The following SSH2 variants were observed in gnomAD, a reference collection of about 807,000 sequenced individuals.
SSH2 encodes the protein slingshot protein phosphatase 2.
A neutral mutation model predicts 135.2 loss-of-function variants in SSH2; 37 were observed. That is an observed-to-expected ratio of 0.27 (90% CI 0.21 to 0.36). The LOEUF (loss-of-function observed/expected upper bound fraction) is 0.36, where lower values mean the gene tolerates loss of function less well. Among genes scored for constraint, SSH2 ranks in the 10% least tolerant of loss-of-function variants. SSH2 has a pLI of 1.00. For synonymous variants in SSH2, 628 were observed against 646.2 expected (o/e 0.97, Z 0.43); for missense variants, 1,408 against 1,765.3 (o/e 0.80, Z 3.63).
intron 8 of SSH2, among the ~76,000 whole-genome samples, chr17:29,673,620 T>G (rs2037585931): frequency 6.6e-6 from 1 of 151,742 alleles, no homozygotes; most frequent in Non-Finnish European, 1.5e-5. Flanking sequence ...AAGTGATCCA[T>G]GCCTACTTTA....
intron 3 of SSH2, among the ~76,000 whole-genome samples, chr17:29,717,339 T>C (rs1232624099): frequency 6.6e-6 from 1 of 152,222 alleles, no homozygotes; most frequent in East Asian, 1.9e-4. Flanking sequence ...TCTCACTATG[T>C]TGCCCAAGCT....
chr17:29,780,907 G>A (rs2041826352), intron 3 of SSH2, among the ~76,000 whole-genome samples: 2 of 151,954 alleles, frequency 1.3e-5, no homozygotes, highest in Non-Finnish European at 2.9e-5. Flanking sequence ...CCGCCTCCCG[G>A]TTCACGCCAT....
At chr17:29,643,347 G>C in intron 14 of SSH2, 1 of 870,778 alleles carries the variant, frequency 1.1e-6, no homozygotes, top group Non-Finnish European at 1.4e-6. Flanking sequence ...TGATTTGGGT[G>C]TTCACTGTCC....
intron 3 of SSH2, among the ~76,000 whole-genome samples, chr17:29,754,463 A>C (rs533589626): frequency 6.6e-6 from 1 of 152,308 alleles, no homozygotes; most frequent in South Asian, 2.1e-4. Flanking sequence ...TCTACTGCTG[A>C]CGCTGAGCCT....
At chr17:29,903,751 T>G (rs761793743) in intron 1 of SSH2, among the ~76,000 whole-genome samples, 2 of 152,152 alleles carry the variant, frequency 1.3e-5, no homozygotes, top group African/African-American at 4.8e-5. Flanking sequence ...TTAATTAATA[T>G]TCACCAAATA....
rs149701481 is a variant in SSH2, at chr17:29,813,540, G to A, written c.145-19603C>T. Among the ~76,000 whole-genome samples, 1,490 of 152,154 alleles carry A rather than the reference G, an allele frequency of 9.8e-3. 17 individuals carry two copies. Among genetic ancestry groups the A allele is most frequent in the African/African-American group, 0.032 (1,320 of 41,518 alleles). On this transcript the variant is annotated intron_variant, in intron 2 of 15. Transcript: ENST00000540801. The stretch of plus-strand genomic sequence containing the variant: ...CCCTAAAAAAATCATTTAAGCAGCC[G>A]GGCACGGTGGCTCACGCCTGTAATC...
chr17:29,744,885 G>T (rs867029119), intron 3 of SSH2, among the ~76,000 whole-genome samples: 2 of 151,504 alleles, frequency 1.3e-5, no homozygotes, highest in African/African-American at 4.9e-5. Flanking sequence ...GTGTGTGTGT[G>T]TGTGTGTGTG....
chr17:29,824,071 G>T (rs1470860471), intron 2 of SSH2, among the ~76,000 whole-genome samples: 1 of 152,076 alleles, frequency 6.6e-6, no homozygotes, highest in African/African-American at 2.4e-5. Context: ...ACTGTTCTAG[G>T]TCTAGTGGAA....
At chr17:29,682,130 C>T (rs1215500591) in intron 6 of SSH2, among the ~76,000 whole-genome samples, 2 of 152,162 alleles carry the variant, frequency 1.3e-5, no homozygotes, top group African/African-American at 4.8e-5. Context: ...AATATGCATT[C>T]TTTCTGGTAA....
intron 11 of SSH2, among the ~76,000 whole-genome samples, chr17:29,656,871 A>G (rs1197012877): frequency 6.6e-6 from 1 of 152,226 alleles, no homozygotes; most frequent in African/African-American, 2.4e-5. Flanking sequence ...ATAACCTGAT[A>G]CACTATACAT....
chr17:29,914,132 T>C (rs1411628072), intron 1 of SSH2, among the ~76,000 whole-genome samples: 1 of 152,194 alleles, frequency 6.6e-6, no homozygotes, highest in Non-Finnish European at 1.5e-5. Flanking sequence ...TTATATCTTA[T>C]ATACAAAGCA....
intron 13 of SSH2, among the ~76,000 whole-genome samples, chr17:29,649,667 A>C (rs1284460126): frequency 6.6e-6 from 1 of 152,158 alleles, no homozygotes; most frequent in Non-Finnish European, 1.5e-5. Context: ...TCCTATCTTC[A>C]CCACTTATTT....
chr17:29,683,352 G>A (rs1468171193), intron 6 of SSH2, among the ~76,000 whole-genome samples: 1 of 152,200 alleles, frequency 6.6e-6, no homozygotes, highest in African/African-American at 2.4e-5. Flanking sequence ...GCCAGGTGTT[G>A]TGTGTCATCT....
At chr17:29,801,054 G>T (rs2042243484) in intron 2 of SSH2, among the ~76,000 whole-genome samples, 1 of 151,798 alleles carries the variant, frequency 6.6e-6, no homozygotes, top group Non-Finnish European at 1.5e-5. Context: ...TAGTAGAGAT[G>T]GGGTTTTGCC....
At chr17:29,661,311 C>T (rs765253656) in intron 11 of SSH2, among the ~76,000 whole-genome samples, 4 of 152,074 alleles carry the variant, frequency 2.6e-5, no homozygotes, top group Non-Finnish European at 5.9e-5. Context: ...TAGTCTCATA[C>T]CTCACACAAT....
At chr17:29,648,121 A>G (rs375132739) in intron 14 of SSH2, 23 bp downstream of exon 14, 6 of 1,610,126 alleles carry the variant, frequency 3.7e-6, no homozygotes, top group Non-Finnish European at 5.1e-6. Flanking sequence ...AGGAGGGAGA[A>G]TTGGAGAAAG....
intron 1 of SSH2, among the ~76,000 whole-genome samples, chr17:29,927,833 A>G (rs2151493875): frequency 6.6e-6 from 1 of 152,346 alleles, no homozygotes. Context: ...AACAACTGAA[A>G]TAACCAGGCT....
intron 2 of SSH2, among the ~76,000 whole-genome samples, chr17:29,801,295 G>A (rs554819418): frequency 3.9e-5 from 6 of 152,312 alleles, no homozygotes; most frequent in African/African-American, 1.4e-4. Context: ...CTGAGAAGTA[G>A]GCTTGGTGGA....
At chr17:29,849,323 G>GA (rs1239686022) in intron 1 of SSH2, among the ~76,000 whole-genome samples, 1 of 151,686 alleles carries the variant, frequency 6.6e-6, no homozygotes, top group Non-Finnish European at 1.5e-5. Context: ...ACTAAAAATA[G>GA]AAAAAATTAG....
Sources: gnomAD v4.1 joint callset for allele counts (sites outside exome capture counted in the v4.1 genomes callset) on GRCh38, gnomAD v4.1.1 for gene constraint, MANE v1.5 for transcripts, NCBI Gene and HGNC (gene_info 2026-07-23, HGNC 2026-07-21) for gene names.